The following TTC7A variants were observed in gnomAD, a reference collection of about 807,000 sequenced individuals.
The protein encoded by TTC7A is tetratricopeptide repeat protein 7A.
A neutral mutation model predicts 103.7 loss-of-function variants in TTC7A; 110 were observed. The observed-to-expected ratio is 1.06, with a 90% confidence interval of 0.91 to 1.24. The LOEUF is 1.24. Ranked by LOEUF, TTC7A falls within the 50% of genes most tolerant of loss-of-function variation. The pLI is 0.00. For missense variants in TTC7A, 1,340 were observed against 1,116.3 expected (o/e 1.20, Z -2.86); for synonymous variants, 521 against 467.9 (o/e 1.11, Z -1.47).
chr2:46,996,531 T>C (rs538194879), intron 8 of TTC7A, among the ~76,000 whole-genome samples: 3 of 152,238 alleles, frequency 2.0e-5, no homozygotes, highest in African/African-American at 7.2e-5. Context: ...TCCCAGCAAA[T>C]AGGAGCAGGC....
At chr2:46,973,439 G>A (rs755949411) in intron 3 of TTC7A, among the ~76,000 whole-genome samples, 1 of 152,192 alleles carries the variant, frequency 6.6e-6, no homozygotes, top group South Asian at 2.1e-4. Flanking sequence ...TTTATCCCCC[G>A]TCAGGGAGGG....
At chr2:46,935,456 T>C (rs1388448277) in intron 2 of TTC7A, among the ~76,000 whole-genome samples, 6 of 152,206 alleles carry the variant, frequency 3.9e-5, no homozygotes, top group African/African-American at 7.2e-5. Context: ...ACTTCATAAC[T>C]ATTCCAACTT....
chr2:46,928,041 A>G (rs988194692), intron 2 of TTC7A, among the ~76,000 whole-genome samples: 2 of 150,960 alleles, frequency 1.3e-5, no homozygotes, highest in African/African-American at 4.9e-5. Flanking sequence ...ACTGGCATAC[A>G]CCACCACGCC....
chr2:47,071,456 T>C (rs1349672706), intron 19 of TTC7A, among the ~76,000 whole-genome samples: 1 of 152,214 alleles, frequency 6.6e-6, no homozygotes, highest in Non-Finnish European at 1.5e-5. Context: ...TCTGCTCATC[T>C]TGAAGGCGCT....
chr2:47,021,616 G>A (rs556193077), intron 11 of TTC7A, among the ~76,000 whole-genome samples: 1 of 152,358 alleles, frequency 6.6e-6, no homozygotes, highest in Admixed American at 6.5e-5. Flanking sequence ...CACAGACACA[G>A]GCCCCTACAG....
Position 47,050,043 on chromosome 2 carries a change from T to A in TTC7A, c.2014T>A (p.Ser672Thr), listed in dbSNP as rs149602485. The A allele has an allele frequency of 1.2e-6, 2 of 1,613,576 alleles. No homozygotes were observed. Among genetic ancestry groups the A allele is most frequent in the South Asian group, 2.2e-5 (2 of 91,062 alleles). ...TTTGCCTGATGCCCATGATGCAGAC[T>A]CTGGTAAGAACGAGCTCCTTGGGCC... is the stretch of plus-strand genomic sequence containing the variant. ...LTLPDAHDADSGSRRASSIAA... is the reference protein window; with the variant it reads ...LTLPDAHDADTGSRRASSIAA... Residue 672 changes from serine (S) to threonine (T), a missense_variant, in exon 17 of 20, where the codon TCT (serine) becomes ACT (threonine). Transcript: ENST00000319190.
chr2:46,977,322 C>T (rs1673977995), intron 4 of TTC7A, among the ~76,000 whole-genome samples: 2 of 152,208 alleles, frequency 1.3e-5, no homozygotes, highest in Non-Finnish European at 2.9e-5. Flanking sequence ...CCAGTCCTGA[C>T]CTCTGAGGAA....
intron 14 of TTC7A, among the ~76,000 whole-genome samples, chr2:47,026,478 G>A (rs1016509609): frequency 5.3e-5 from 8 of 152,198 alleles, no homozygotes; most frequent in Admixed American, 3.3e-4. Flanking sequence ...CAGAAGCCAG[G>A]CAGACTGGGG....
intron 11 of TTC7A, among the ~76,000 whole-genome samples, chr2:47,018,583 CAAA>C (rs201896192): frequency 3.9e-5 from 3 of 77,318 alleles, no homozygotes; most frequent in Non-Finnish European, 2.7e-5. Flanking sequence ...GACTCCATCT[CAAA>C]AAAAAAAAAA....
chr2:46,987,276 G>A (rs1333385283), intron 5 of TTC7A, among the ~76,000 whole-genome samples: 2 of 152,230 alleles, frequency 1.3e-5, no homozygotes, highest in African/African-American at 4.8e-5. Flanking sequence ...TGTTTTTTGG[G>A]GAGGCGGGCA....
intron 4 of TTC7A, chr2:46,978,380 A>C (rs937753637): frequency 1.9e-4 from 30 of 157,526 alleles, no homozygotes; most frequent in Non-Finnish European, 5.6e-5. Context: ...TACCTAATAG[A>C]GCTGCTCTAA....
intron 1 of TTC7A, among the ~76,000 whole-genome samples, chr2:46,942,603 C>T (rs934780404): frequency 3.3e-5 from 5 of 152,188 alleles, no homozygotes; most frequent in Non-Finnish European, 7.3e-5. Context: ...CTGTCCTGAG[C>T]ACTTTAATCA....
intron 18 of TTC7A, among the ~76,000 whole-genome samples, chr2:47,059,331 T>C (rs560568415): frequency 2.6e-5 from 4 of 152,082 alleles, no homozygotes; most frequent in Non-Finnish European, 2.9e-5. Context: ...CCTGCATTTT[T>C]TAAGTATGGA....
At chr2:47,031,315 T>C (rs1680520714) in intron 15 of TTC7A, among the ~76,000 whole-genome samples, 1 of 152,200 alleles carries the variant, frequency 6.6e-6, no homozygotes, top group African/African-American at 2.4e-5. Flanking sequence ...CATTTTATTT[T>C]TAATGAAAAT....
chr2:47,053,362 C>G (rs927189638), intron 18 of TTC7A, among the ~76,000 whole-genome samples: 7 of 152,174 alleles, frequency 4.6e-5, no homozygotes, highest in African/African-American at 1.4e-4. Flanking sequence ...CCGCATGGAG[C>G]CCCAGCCCCC....
At chr2:47,046,571 G>C in intron 16 of TTC7A, 140 bp downstream of exon 16, 2 of 672,172 alleles carry the variant, frequency 3.0e-6, no homozygotes, top group Non-Finnish European at 5.3e-6. Context: ...CCTGCCCACA[G>C]AGCTTTCACA....
At chr2:46,942,135 G>A (rs537852538) in intron 1 of TTC7A, among the ~76,000 whole-genome samples, 4 of 152,312 alleles carry the variant, frequency 2.6e-5, no homozygotes, top group African/African-American at 9.6e-5. Flanking sequence ...GTTGAAAACG[G>A]AGCTCCGTCC....
intron 3 of TTC7A, among the ~76,000 whole-genome samples, chr2:46,963,294 C>T (rs1043358000): frequency 7.9e-5 from 12 of 152,234 alleles, no homozygotes; most frequent in East Asian, 5.8e-4. Context: ...CTTTCTTATT[C>T]GGAGAGGCTG....
intron 19 of TTC7A, among the ~76,000 whole-genome samples, chr2:47,067,270 A>G (rs1684254727): frequency 6.6e-6 from 1 of 152,248 alleles, no homozygotes; most frequent in Admixed American, 6.5e-5. Flanking sequence ...TTCAAGGAGC[A>G]GTTTTAGGGC....
Sources: allele counts gnomAD v4.1 joint callset (sites outside exome capture counted in the v4.1 genomes callset), GRCh38; gene constraint gnomAD v4.1.1; transcripts MANE v1.5; gene names NCBI Gene and HGNC (gene_info 2026-07-23, HGNC 2026-07-21).